Variants in C8B observed in about 807,000 individuals in gnomAD.
C8B encodes the protein complement component C8 beta chain.
C8B carries 67 observed loss-of-function variants against 64.6 expected under a neutral mutation model. That is an observed-to-expected ratio of 1.04 (90% CI 0.85 to 1.27). The LOEUF (loss-of-function observed/expected upper bound fraction) is 1.27. C8B is among the 50% of genes most tolerant of loss of function. The pLI is 0.00. For synonymous variants in C8B, 284 were observed against 257.7 expected (o/e 1.10, Z -0.98); for missense variants, 790 against 725.2 (o/e 1.09, Z -1.03).
chr1:56,949,839 C>T (rs1644995418), intron 5 of C8B, 87 bp from the exon 6 acceptor site: 4 of 904,332 alleles, frequency 4.4e-6, no homozygotes, highest in Non-Finnish European at 7.0e-6. Context: ...CTACTCCTAC[C>T]ATGTGCTGGA....
At position 56,962,174 on chromosome 1, in the gene C8B, T is replaced by G. The variant is rs113772878; in HGVS notation, c.93-1998A>C. Among the ~76,000 whole-genome samples the G allele has an allele frequency of 2.2e-3, 341 of 152,352 alleles. 2 individuals carry two copies. The highest frequency in any genetic ancestry group is 7.6e-3 in the African/African-American group (316 of 41,576). On this transcript the variant is annotated intron_variant, in intron 1 of 11. Transcript: ENST00000371237. ...TTTTCGTCTCTGAGATTTGAAAGCC[T>G]GTTAATGGGCAAGATGATCACTTAC...
rs1644940333 is a variant in C8B at position 56,946,200 on chromosome 1, A to T, written c.865-139T>A. ...TGATTCCTTTAGGATACTTGAGGGA[A>T]GACAGCCTCTTTGACAAGCTTTCAG... On this transcript the variant is annotated intron_variant, in intron 6 of 11. Transcript: ENST00000371237. 4.2e-6 allele frequency: 4 copies of T among 957,302 alleles called. No homozygotes were observed. The East Asian group carries it at 1.0e-4, about 25-fold the overall frequency. The allele number at this position is 957,302 out of a possible 1,614,324, so 59.3% of individuals were successfully genotyped here. A position where few individuals can be genotyped will look rare whatever the true frequency, so the allele number is the denominator to read the frequency against.
In C8B at chr1:56,956,788, G is replaced by A; in HGVS notation, c.372C>T (p.Gly124=). 1 of 1,614,016 alleles carries A rather than the reference G, an allele frequency of 6.2e-7. No individual in the cohort carries two copies. Among genetic ancestry groups the A allele is most frequent in the Middle Eastern group, 1.6e-4 (1 of 6,062 alleles). Residue 124 remains glycine (G), a synonymous_variant, in exon 3 of 12, where the codon GGC becomes GGT. Transcript: ENST00000371237. The stretch of plus-strand genomic sequence containing the variant: ...TTATACCTGTCTGTGCACACACAAA[G>A]CCTTCACATCGCACTTGACTTCCGC... ...RPCGSQVRCE[G]FVCAQTGRCV...
intron 6 of C8B, among the ~76,000 whole-genome samples, chr1:56,947,488 C>T (rs1035497853): frequency 5.3e-5 from 8 of 152,170 alleles, no homozygotes; most frequent in Non-Finnish European, 7.3e-5. Flanking sequence ...TACCTACTTA[C>T]CTTTTAAATT....
At chr1:56,929,646 G>C in intron 11 of C8B, 88 bp from the exon 12 acceptor site, 1 of 1,274,526 alleles carries the variant, frequency 7.8e-7, no homozygotes, top group Admixed American at 1.7e-5. Context: ...TAAGCCAAAA[G>C]GCTTTGGGAG....
At chr1:56,929,820 G>T (rs888246743) in intron 11 of C8B, among the ~76,000 whole-genome samples, 1 of 152,130 alleles carries the variant, frequency 6.6e-6, no homozygotes, top group African/African-American at 2.4e-5. Context: ...CTCAGTAAAA[G>T]TGTTATTTCC....
chr1:56,955,882 AT>A (rs1645095791), intron 3 of C8B, among the ~76,000 whole-genome samples: 1 of 152,168 alleles, frequency 6.6e-6, no homozygotes, highest in Admixed American at 6.5e-5. Flanking sequence ...AAATATTCTC[AT>A]TTTTGCTGGA....
At chr1:56,932,983 G>T (rs1644723958) in intron 10 of C8B, among the ~76,000 whole-genome samples, 1 of 152,090 alleles carries the variant, frequency 6.6e-6, no homozygotes. Flanking sequence ...TCAAGTTCTA[G>T]TGGCCCATCC....
At chr1:56,961,032 A>C (rs1410768412) in intron 1 of C8B, among the ~76,000 whole-genome samples, 1 of 151,952 alleles carries the variant, frequency 6.6e-6, no homozygotes, top group Non-Finnish European at 1.5e-5. Flanking sequence ...AGTGAAGGAT[A>C]CTTATTCTTG....
At chr1:56,952,603 T>C (rs1408982813) in intron 4 of C8B, among the ~76,000 whole-genome samples, 6 of 152,222 alleles carry the variant, frequency 3.9e-5, no homozygotes, top group Admixed American at 3.3e-4. Context: ...CGCACCGTTG[T>C]GCATTTATTG....
At chr1:56,956,959 A>G in intron 2 of C8B, 49 bp from the exon 3 acceptor site, 1 of 1,564,966 alleles carries the variant, frequency 6.4e-7, no homozygotes, top group Non-Finnish European at 8.8e-7. Flanking sequence ...CTTAGATCTC[A>G]GGAGCTGAGG....
At chr1:56,946,567 C>G (rs1366031242) in intron 6 of C8B, among the ~76,000 whole-genome samples, 2 of 152,220 alleles carry the variant, frequency 1.3e-5, no homozygotes, top group African/African-American at 4.8e-5. Flanking sequence ...TGGAACACAA[C>G]TGCCTCCATT....
chr1:56,940,706 A>T, intron 9 of C8B, 143 bp downstream of exon 9: 4 of 852,036 alleles, frequency 4.7e-6, no homozygotes, highest in Non-Finnish European at 7.7e-6. Flanking sequence ...TTTATTTCAA[A>T]TATATTTTCT....
chr1:56,947,970 A>AACAT (rs1425438690), intron 6 of C8B, among the ~76,000 whole-genome samples: 1 of 151,964 alleles, frequency 6.6e-6, no homozygotes, highest in Non-Finnish European at 1.5e-5. Flanking sequence ...CAAACAAACA[A>AACAT]AAAGAATAAT....
At chr1:56,945,071 T>G (rs538503643) in intron 7 of C8B, among the ~76,000 whole-genome samples, 1 of 152,316 alleles carries the variant, frequency 6.6e-6, no homozygotes, top group South Asian at 2.1e-4. Flanking sequence ...AAGTATGGTC[T>G]ATTGGCCAGC....
intron 3 of C8B, among the ~76,000 whole-genome samples, chr1:56,955,567 T>C (rs772072826): frequency 6.6e-6 from 1 of 152,234 alleles, no homozygotes. Context: ...ACCAATGTTC[T>C]TGGAGTGTTA....
At chr1:56,959,966 G>T in intron 2 of C8B, 54 bp downstream of exon 2, 1 of 1,605,090 alleles carries the variant, frequency 6.2e-7, no homozygotes, top group South Asian at 1.1e-5. Flanking sequence ...AGCCGATCTT[G>T]CTGGGGACAA....
At position 56,943,617 on chromosome 1, in the gene C8B, G is replaced by C. The variant is rs1644896803; in HGVS notation, c.1234+79C>G. On this transcript the variant is annotated intron_variant, in intron 8 of 11. Coordinates refer to ENST00000371237, the MANE Select transcript of C8B (RefSeq NM_000066.4). Reference sequence around the variant, plus strand: ...TGGGATAGTATTTGTCTCAAAAAGGGAGGGAGGTGTTGTAATCACCAGAGG... The same window carrying C: ...TGGGATAGTATTTGTCTCAAAAAGGCAGGGAGGTGTTGTAATCACCAGAGG... 2.6e-6 allele frequency: 4 copies of C among 1,540,634 alleles called. No homozygotes were observed. The African/African-American group carries it at 4.1e-5, about 16-fold the overall frequency.
In C8B at chr1:56,940,877, T is replaced by C. The variant is rs1644841872; in HGVS notation, c.1370A>G (p.Gln457Arg). The change falls in exon 9 of 12, where the codon CAG becomes CGG. Residue 457 changes from glutamine (Q) to arginine (R), a missense_variant. Gln to Arg is a conservative substitution (Grantham distance 43, BLOSUM62 1). Coordinates refer to ENST00000371237, the MANE Select transcript of C8B (RefSeq NM_000066.4). Reference protein sequence around the residue: ...DLMQEWGDAVQYNPAIIKVKV... With the variant: ...DLMQEWGDAVRYNPAIIKVKV... ...AACTTTGATGATGGCTGGGTTGTAC[T>C]GCACAGCGTCTCCCCACTCCTGCAT... The C allele has an allele frequency of 1.9e-6, 3 of 1,613,948 alleles. No individual in the cohort carries two copies. In the South Asian group the frequency reaches 3.3e-5, roughly 18 times the overall value.
Sources: allele counts gnomAD v4.1 joint callset (sites outside exome capture counted in the v4.1 genomes callset), GRCh38; gene constraint gnomAD v4.1.1; transcripts MANE v1.5; gene names NCBI Gene and HGNC (gene_info 2026-07-23, HGNC 2026-07-21).